The following ZNFX1 variants were observed in gnomAD, a reference collection of about 807,000 sequenced individuals.
ZNFX1 encodes zinc finger NFX1-type containing 1, also known as NFX1-type zinc finger-containing protein 1.
In ZNFX1, 78 loss-of-function variants were observed where a neutral mutation model predicts 179.8. That is an observed-to-expected ratio of 0.43 (90% confidence interval 0.36 to 0.52). The LOEUF (loss-of-function observed/expected upper bound fraction) is 0.52. ZNFX1 is among the 20% of genes least tolerant of loss of function. The pLI is 0.00. For missense variants in ZNFX1, 1,927 were observed against 2,386.6 expected (o/e 0.81, Z 4.01); for synonymous variants, 848 against 868.5 (o/e 0.98, Z 0.42).
In ZNFX1 at chr20:49,249,021, G is replaced by A. The variant is rs1317524928; in HGVS notation, c.4003C>T (p.Leu1335Phe). 7 of 1,614,248 alleles carry A rather than the reference G, an allele frequency of 4.3e-6. No individual in the cohort carries two copies. The highest frequency in any genetic ancestry group is 5.1e-6 in the Non-Finnish European group (6 of 1,180,038). ...VICQEGHRCPLVCFQECQPCQ... is the reference protein window; with the variant it reads ...VICQEGHRCPFVCFQECQPCQ... ...GGCTGACACTCCTGGAAGCAAACAA[G>A]GGGACACCGGTGCCCTTCCTGACAG... The change falls in exon 14 of 14, where the codon CTT becomes TTT. Residue 1335 changes from leucine to phenylalanine, a missense_variant. Transcript: ENST00000396105.
chr20:49,255,761 A>C (rs1196226068), intron 9 of ZNFX1, 47 bp downstream of exon 9: 1 of 1,558,846 alleles, frequency 6.4e-7, no homozygotes, highest in Non-Finnish European at 8.7e-7. Context: ...TTCTAGGAAC[A>C]GAAGAGGAAC....
Position 49,249,051 on chromosome 20 carries a change from C to A in ZNFX1, c.3973G>T (p.Val1325Phe). The A allele has an allele frequency of 6.2e-7, 1 of 1,614,236 alleles. No individual in the cohort carries two copies. The highest frequency in any genetic ancestry group is 8.5e-7 in the Non-Finnish European group (1 of 1,180,052). Residue 1325 changes from valine to phenylalanine, a missense_variant, in exon 14 of 14, where the codon GTC becomes TTC. Physicochemically the swap from Val to Phe is conservative, Grantham distance 50. Transcript: ENST00000396105. ...EFQCMKPCQK[V>F]ICQEGHRCPL... ...CACCGGTGCCCTTCCTGACAGATGA[C>A]CTTCTGGCATGGCTTCATGCATTGG...
intron 3 of ZNFX1, among the ~76,000 whole-genome samples, chr20:49,267,848 G>A (rs1016838920): frequency 3.3e-4 from 49 of 150,716 alleles, no homozygotes; most frequent in Admixed American, 3.1e-3. Context: ...ACCCTTCTTT[G>A]CCTTAGCTTT....
chr20:49,275,079 C>T (rs1338230610), intron 2 of ZNFX1, among the ~76,000 whole-genome samples: 6 of 151,508 alleles, frequency 4.0e-5, no homozygotes, highest in Admixed American at 2.0e-4. Context: ...GCAGAGATCG[C>T]GCCACTGCAC....
chr20:49,255,959 A>G lies in ZNFX1; in HGVS notation c.2665-12T>C. The G allele has an allele frequency of 1.2e-6, 2 of 1,613,540 alleles. No homozygotes were observed. Among genetic ancestry groups the G allele is most frequent in the Non-Finnish European group, 1.7e-6 (2 of 1,179,806 alleles). ...TGGTTGCGCTGGGTCTGCAGACATC[A>G]ATACCAGGCAGGGTACTGTCTGAGC... is the stretch of plus-strand genomic sequence containing the variant. On this transcript the variant is annotated splice_polypyrimidine_tract_variant and intron_variant, in intron 8 of 13. Coordinates refer to ENST00000396105, the MANE Select transcript of ZNFX1 (RefSeq NM_021035.3).
At chr20:49,251,748 A>AAAG in intron 12 of ZNFX1, 126 bp from the exon 13 acceptor site, 3 of 688,640 alleles carry the variant, frequency 4.4e-6, no homozygotes, top group Non-Finnish European at 7.0e-6. Context: ...CTGTAATCCC[A>AAAG]TCACTTTGGG....
At chr20:49,262,429 A>G (rs1165721069) in intron 6 of ZNFX1, among the ~76,000 whole-genome samples, 1 of 151,906 alleles carries the variant, frequency 6.6e-6, no homozygotes, top group African/African-American at 2.4e-5. Flanking sequence ...AAAGAAGAAA[A>G]AAAAAAAAGA....
rs771441078 is a variant in ZNFX1, at chr20:49,270,225, A to T, written c.1587T>A (p.Asp529Glu). 1 of 1,614,028 alleles carries T rather than the reference A, an allele frequency of 6.2e-7. No homozygotes were observed. Among genetic ancestry groups the T allele is most frequent in the Non-Finnish European group, 8.5e-7 (1 of 1,180,034 alleles). The change falls in exon 3 of 14, where the codon GAT becomes GAA. Residue 529 changes from aspartate to glutamate, a missense_variant. Physicochemically the swap from Asp to Glu is conservative, Grantham distance 45. Coordinates refer to ENST00000396105, the MANE Select transcript of ZNFX1 (RefSeq NM_021035.3). This position sits in a 1 kb window ranked among gnomAD's most constrained non-coding sequence, Gnocchi z 4.6. Reference protein sequence around the residue: ...LEGLQEVQEEDVPFQRNIVEC... With the variant: ...LEGLQEVQEEEVPFQRNIVEC... ...CCACGATATTCCTCTGGAAGGGAACATCTTCCTCCTGGACCTCCTGGAGTC... is the reference window on the plus strand; with the variant it reads ...CCACGATATTCCTCTGGAAGGGAACTTCTTCCTCCTGGACCTCCTGGAGTC...
chr20:49,257,270 A>G (rs1980991066), intron 8 of ZNFX1, 147 bp downstream of exon 8: 3 of 1,173,062 alleles, frequency 2.6e-6, no homozygotes, highest in Non-Finnish European at 3.5e-6. Flanking sequence ...CTTGGGAATC[A>G]CTAAAGCCAT....
rs773169695 is a variant in ZNFX1, at chr20:49,247,405, C to T, written c.5619G>A (p.Lys1873=). The change falls in exon 14 of 14, where the codon AAG becomes AAA. Residue 1873 remains lysine, a synonymous_variant. Coordinates refer to ENST00000396105, the MANE Select transcript of ZNFX1 (RefSeq NM_021035.3). ...AMERGTCPDC[K]EVIGGTNHTL... ...TATGATTTGTGCCACCAATCACTTCCTTACAGTCAGGACACGTGCCCCTCT... is the reference window on the plus strand; with the variant it reads ...TATGATTTGTGCCACCAATCACTTCTTTACAGTCAGGACACGTGCCCCTCT... 1.2e-5 allele frequency: 19 copies of T among 1,614,060 alleles called. No individual in the cohort carries two copies. Among genetic ancestry groups the T allele is most frequent in the Non-Finnish European group, 1.3e-5 (15 of 1,180,052 alleles).
At chr20:49,258,273 T>G (rs1462026509) in intron 7 of ZNFX1, among the ~76,000 whole-genome samples, 2 of 151,096 alleles carry the variant, frequency 1.3e-5, no homozygotes, top group African/African-American at 2.4e-5. Flanking sequence ...TTTTGTATTT[T>G]TAGTAGAGAC....
chr20:49,268,280 T>G (rs1600995394), intron 3 of ZNFX1, among the ~76,000 whole-genome samples: 1 of 152,216 alleles, frequency 6.6e-6, no homozygotes, highest in African/African-American at 2.4e-5. Flanking sequence ...CATAGTGCTA[T>G]TATATATTTG....
At chr20:49,274,844 C>T (rs1426351736) in intron 2 of ZNFX1, among the ~76,000 whole-genome samples, 11 of 152,188 alleles carry the variant, frequency 7.2e-5, no homozygotes, top group African/African-American at 2.2e-4. Flanking sequence ...AAAACTAGGC[C>T]GGGCGTGGTG....
Position 49,270,488 on chromosome 20 carries a change from A to C in ZNFX1, c.1324T>G (p.Trp442Gly). ...TAGAGCAATCGTTTGGAATTCTGCC[A>C]GCGAACAAACTTCAGTGGTTTTGTG... ...FDTKPLKFVR[W>G]QNSKRLLYGS... is the part of the protein sequence containing the mutation. The change falls in exon 3 of 14, where the codon TGG (tryptophan) becomes GGG (glycine). Residue 442 changes from tryptophan to glycine, a missense_variant. Coordinates refer to ENST00000396105, the MANE Select transcript of ZNFX1 (RefSeq NM_021035.3). This position sits in a 1 kb window ranked among gnomAD's most constrained non-coding sequence, Gnocchi z 4.6. The C allele has an allele frequency of 1.9e-6, 3 of 1,614,248 alleles. No individual in the cohort carries two copies. The highest frequency in any genetic ancestry group is 2.5e-6 in the Non-Finnish European group (3 of 1,180,042).
At chr20:49,260,901 T>A (rs1327103785) in intron 6 of ZNFX1, among the ~76,000 whole-genome samples, 1 of 152,146 alleles carries the variant, frequency 6.6e-6, no homozygotes, top group Non-Finnish European at 1.5e-5. Context: ...GCCAACATGG[T>A]GAAACCCTGT....
intron 13 of ZNFX1, 38 bp downstream of exon 13, chr20:49,251,489 T>C (rs1429092827): frequency 4.4e-6 from 7 of 1,584,206 alleles, no homozygotes; most frequent in Non-Finnish European, 6.0e-6. Flanking sequence ...TTTAGGTTGC[T>C]GACACCATCC....
At chr20:49,256,609 T>C (rs557267443) in intron 8 of ZNFX1, among the ~76,000 whole-genome samples, 2 of 152,346 alleles carry the variant, frequency 1.3e-5, no homozygotes, top group African/African-American at 4.8e-5. Context: ...CAGATGTCAC[T>C]AAATAAAGAT....
intron 2 of ZNFX1, among the ~76,000 whole-genome samples, chr20:49,275,431 C>G (rs1319456529): frequency 6.6e-6 from 1 of 152,102 alleles, no homozygotes; most frequent in African/African-American, 2.4e-5. Context: ...CTACACCCAC[C>G]CCTTCCTGAG....
intron 2 of ZNFX1, among the ~76,000 whole-genome samples, chr20:49,272,474 G>A (rs144872746): frequency 6.6e-4 from 100 of 152,276 alleles, no homozygotes; most frequent in African/African-American, 2.2e-3. Context: ...GTAAGCCACC[G>A]TGCCTGGTGG....
Sources: gnomAD v4.1 joint callset for allele counts (sites outside exome capture counted in the v4.1 genomes callset) on GRCh38, gnomAD v4.1.1 for gene constraint, Gnocchi (gnomAD v3.1) non-coding constraint, MANE v1.5 for transcripts, NCBI Gene and HGNC (gene_info 2026-07-23, HGNC 2026-07-21) for gene names.